Variants in PAPPA observed in about 807,000 individuals in gnomAD.
The protein encoded by PAPPA is pappalysin 1.
In PAPPA, 60 loss-of-function variants were observed where a neutral mutation model predicts 164.0. That is an observed-to-expected ratio of 0.37 (90% CI 0.30 to 0.45). The LOEUF (loss-of-function observed/expected upper bound fraction) is 0.45, where lower values mean the gene tolerates loss of function less well. PAPPA is among the 20% of genes least tolerant of loss of function. PAPPA has a pLI of 1.00. For missense variants in PAPPA, 1,782 were observed against 2,087.3 expected (o/e 0.85, Z 2.85); for synonymous variants, 875 against 814.1 (o/e 1.07, Z -1.27).
intron 7 of PAPPA, among the ~76,000 whole-genome samples, chr9:116,256,153 A>G (rs1844925062): frequency 6.6e-6 from 1 of 152,022 alleles, no homozygotes; most frequent in African/African-American, 2.4e-5. Context: ...AAAATTAAAA[A>G]CATGAAAAAA....
chr9:116,268,605 T>C (rs376698773), intron 8 of PAPPA, among the ~76,000 whole-genome samples: 13 of 152,240 alleles, frequency 8.5e-5, no homozygotes, highest in African/African-American at 1.4e-4. Context: ...GAAACAGATA[T>C]AGATGAATTG....
In PAPPA at chr9:116,302,894, C is replaced by A. The variant is rs764881805; in HGVS notation, c.3091C>A (p.His1031Asn). 1.8e-5 allele frequency: 29 copies of A among 1,614,090 alleles called. No homozygotes were observed. In the Admixed American group the frequency reaches 4.8e-4, roughly 27 times the overall value. Residue 1031 changes from histidine (H) to asparagine (N), a missense_variant, in exon 10 of 22, where the codon CAT (histidine) becomes AAT (asparagine). Coordinates refer to ENST00000328252, the MANE Select transcript of PAPPA (RefSeq NM_002581.5). ...GTGGGCATCCAATGCTTCAGTATCT[C>A]ATCAAGACCAGCAATGCCCAGGCTG... ...DQWASNASVS[H>N]QDQQCPGWVI...
chr9:116,343,756 T>TATTTATTTA (rs1846169360), intron 13 of PAPPA, among the ~76,000 whole-genome samples: 1 of 150,400 alleles, frequency 6.6e-6, no homozygotes. Flanking sequence ...TTTATTTATT[T>TATTTATTTA]ATTTATTTAT....
At chr9:116,215,944 A>G (rs1409782845) in intron 4 of PAPPA, among the ~76,000 whole-genome samples, 1 of 115,250 alleles carries the variant, frequency 8.7e-6, no homozygotes, top group East Asian at 4.7e-4. Flanking sequence ...ACATCCATAT[A>G]CAAACACATA....
rs185958578 is a variant in PAPPA at position 116,295,527 on chromosome 9, C to G, written c.2954-7230C>G. Among the ~76,000 whole-genome samples, 429 of 135,984 alleles carry G rather than the reference C, an allele frequency of 3.2e-3. 4 individuals carry two copies. Among genetic ancestry groups the G allele is most frequent in the African/African-American group, 0.011 (414 of 36,206 alleles). 89.2% of individuals were successfully genotyped at this position (135,984 alleles called of 152,430 possible). ...CAAGATCGCACCATTGCATTCCAGC[C>G]TGGGCAACAGAGCGAGACTCGGTCT... On this transcript the variant is annotated intron_variant, in intron 9 of 21. Transcript: ENST00000328252.
chr9:116,262,923 G>C (rs1026790385), intron 7 of PAPPA, among the ~76,000 whole-genome samples: 2 of 152,192 alleles, frequency 1.3e-5, no homozygotes, highest in African/African-American at 4.8e-5. Flanking sequence ...TGAGAAAAGA[G>C]CCCTCATTTA....
At chr9:116,370,176 TGA>T (rs1347520457) in intron 19 of PAPPA, among the ~76,000 whole-genome samples, 1 of 151,778 alleles carries the variant, frequency 6.6e-6, no homozygotes, top group African/African-American at 2.4e-5. Flanking sequence ...GGTAAGAGAG[TGA>T]GAGGCAAGAA....
intron 9 of PAPPA, among the ~76,000 whole-genome samples, chr9:116,293,119 A>G (rs1182351318): frequency 2.0e-5 from 3 of 152,184 alleles, no homozygotes; most frequent in Non-Finnish European, 4.4e-5. Flanking sequence ...GACTGGAGAG[A>G]ACCGATAGGT....
At position 116,331,327 on chromosome 9, in the gene PAPPA, C is replaced by G. The variant is rs770513892; in HGVS notation, c.3231C>G (p.Ser1077=). Residue 1077 remains serine, a synonymous_variant, in exon 11 of 22, where the codon TCC becomes TCG. Transcript: ENST00000328252. ...WYPCTISYPY[S]QLAQTTFWLR... is the part of the protein sequence containing the mutation. ...CTTGCACCATCAGCTACCCATATTC[C>G]CAGCTGGCTCAGACCACTTTTTGGC... 1 of 1,613,526 alleles carries G rather than the reference C, an allele frequency of 6.2e-7. No individual in the cohort carries two copies. Among genetic ancestry groups the G allele is most frequent in the Non-Finnish European group, 8.5e-7 (1 of 1,179,444 alleles).
chr9:116,217,881 G>A lies in PAPPA; in HGVS notation c.1919-2056G>A, dbSNP rs553553729. 3.9e-5 allele frequency among the ~76,000 whole-genome samples: 6 copies of A among 152,272 alleles called. No homozygotes were observed. The East Asian group carries it at 7.7e-4, about 20-fold the overall frequency. On this transcript the variant is annotated intron_variant, in intron 4 of 21. Coordinates refer to ENST00000328252, the MANE Select transcript of PAPPA (RefSeq NM_002581.5). ...ATTCTGTGTGCACTAATCTAGTCAC[G>A]TGGCCATACTTCTTCCCTTAGCCAT...
At chr9:116,258,733 G>A (rs990781928) in intron 7 of PAPPA, among the ~76,000 whole-genome samples, 1 of 152,222 alleles carries the variant, frequency 6.6e-6, no homozygotes, top group African/African-American at 2.4e-5. Flanking sequence ...TTACAATTCA[G>A]TAGTGAAAGG....
chr9:116,316,743 T>C (rs1845792012), intron 10 of PAPPA, among the ~76,000 whole-genome samples: 1 of 152,224 alleles, frequency 6.6e-6, no homozygotes, highest in Non-Finnish European at 1.5e-5. Flanking sequence ...GTTAAAAACA[T>C]AAGTGACTGC....
intron 1 of PAPPA, among the ~76,000 whole-genome samples, chr9:116,169,574 C>T (rs1466590736): frequency 6.6e-6 from 1 of 151,704 alleles, no homozygotes; most frequent in African/African-American, 2.4e-5. Context: ...CCCACCTTGG[C>T]CTCCCAAAGT....
intron 2 of PAPPA, 41 bp from the exon 3 acceptor site, chr9:116,207,415 T>C: frequency 9.6e-7 from 1 of 1,044,318 alleles, no homozygotes; most frequent in Non-Finnish European, 1.3e-6. Flanking sequence ...TGTTATCTTT[T>C]TGGGGGCATG....
chr9:116,383,416 G>C lies in PAPPA; in HGVS notation c.4776+923G>C, dbSNP rs548901871. ...GAGACAGGAAAAGCAAAGAATCATA[G>C]TCAATCATGCCTAAAGAGCCCTCTA... is the stretch of plus-strand genomic sequence containing the variant. On this transcript the variant is annotated intron_variant, in intron 21 of 21. Transcript: ENST00000328252. 2.0e-5 allele frequency among the ~76,000 whole-genome samples: 3 copies of C among 152,320 alleles called. No homozygotes were observed. In the South Asian group the frequency reaches 6.2e-4, roughly 32 times the overall value.
intron 19 of PAPPA, among the ~76,000 whole-genome samples, chr9:116,368,714 G>A (rs1588023331): frequency 6.6e-6 from 1 of 152,224 alleles, no homozygotes; most frequent in Admixed American, 6.5e-5. Flanking sequence ...GGGGTTGCGG[G>A]GTGGGCGAGG....
At chr9:116,373,402 T>C (rs1334626039) in intron 19 of PAPPA, 1 of 152,076 alleles carries the variant, frequency 6.6e-6, no homozygotes, top group Non-Finnish European at 1.5e-5. Context: ...ACTCAGTGGC[T>C]GATAACAAAA....
chr9:116,253,486 C>T (rs1439825080), intron 7 of PAPPA, among the ~76,000 whole-genome samples: 1 of 152,140 alleles, frequency 6.6e-6, no homozygotes, highest in African/African-American at 2.4e-5. Flanking sequence ...GGTCCACAGT[C>T]AGTATGTTAA....
At chr9:116,202,719 A>T (rs1281943848) in intron 2 of PAPPA, among the ~76,000 whole-genome samples, 1 of 152,086 alleles carries the variant, frequency 6.6e-6, no homozygotes, top group African/African-American at 2.4e-5. Context: ...GAAGTGTGTA[A>T]GGGGAGGGGT....
Sources: gnomAD v4.1 joint callset for allele counts (sites outside exome capture counted in the v4.1 genomes callset) on GRCh38, gnomAD v4.1.1 for gene constraint, MANE v1.5 for transcripts, NCBI Gene and HGNC (gene_info 2026-07-23, HGNC 2026-07-21) for gene names.